The following CABLES1 variants were observed in gnomAD, a reference collection of about 807,000 sequenced individuals.
CABLES1 encodes Cdk5 and Abl enzyme substrate 1, also known as CDK5 and ABL1 enzyme substrate 1.
Under a neutral mutation model 57.8 loss-of-function variants are expected in CABLES1, and 36 were observed. The ratio of observed to expected loss-of-function variants is 0.62; its 90% CI spans 0.48 to 0.82. The LOEUF (loss-of-function observed/expected upper bound fraction) is 0.82. Among genes scored for constraint, CABLES1 ranks in the 40% least tolerant of loss-of-function variants. The pLI, the probability that CABLES1 is intolerant of heterozygous loss-of-function variation, is 0.00. For missense variants in CABLES1, 767 were observed against 836.6 expected (o/e 0.92, Z 1.03); for synonymous variants, 374 against 363.0 (o/e 1.03, Z -0.35).
intron 1 of CABLES1, among the ~76,000 whole-genome samples, chr18:23,141,390 G>C (rs2046856981): frequency 6.6e-6 from 1 of 152,214 alleles, no homozygotes; most frequent in Non-Finnish European, 1.5e-5. Flanking sequence ...GGGTAAGAAA[G>C]GGGAGATGGA....
At chr18:23,195,139 A>G (rs1180850651) in intron 3 of CABLES1, among the ~76,000 whole-genome samples, 1 of 152,224 alleles carries the variant, frequency 6.6e-6, no homozygotes, top group Non-Finnish European at 1.5e-5. Context: ...TATGACCGTG[A>G]TATTAAAACC....
rs191985738 is a variant in CABLES1, at chr18:23,170,494, A to G, written c.846-18344A>G. ...AAGACCACACACCCTAGCCATCTCC[A>G]GCAGCGTGTGCATGGGCGTTGGGTC... On this transcript the variant is annotated intron_variant, in intron 1 of 9. Transcript: ENST00000256925. Among the ~76,000 whole-genome samples the G allele has an allele frequency of 8.5e-5, 13 of 152,268 alleles. No individual in the cohort carries two copies. The East Asian group carries it at 2.3e-3, about 27-fold the overall frequency.
intron 1 of CABLES1, among the ~76,000 whole-genome samples, chr18:23,183,063 C>T (rs2047178529): frequency 6.6e-6 from 1 of 152,240 alleles, no homozygotes; most frequent in African/African-American, 2.4e-5. Flanking sequence ...GTGAGGAGGG[C>T]CTTCGGGATG....
In CABLES1 at chr18:23,235,890, T is replaced by C. The variant is rs376589831; in HGVS notation, c.1186-5T>C. 2.5e-6 allele frequency: 4 copies of C among 1,613,976 alleles called. No individual in the cohort carries two copies. In the African/African-American group the frequency reaches 5.3e-5, roughly 22 times the overall value. On this transcript the variant is annotated splice_polypyrimidine_tract_variant and splice_region_variant and intron_variant, in intron 5 of 9. Coordinates refer to ENST00000256925, the MANE Select transcript of CABLES1 (RefSeq NM_001100619.3). The stretch of plus-strand genomic sequence containing the variant: ...CACTGGCCTGTTTTTGTCTTCACCT[T>C]TTAGACTGTTTCCTATACCCAATTT...
chr18:23,206,262 T>C (rs544754869), intron 3 of CABLES1, among the ~76,000 whole-genome samples: 2 of 152,122 alleles, frequency 1.3e-5, no homozygotes, highest in Non-Finnish European at 2.9e-5. Context: ...AGCTGGGGAC[T>C]CCCAAACCCC....
chr18:23,191,080 C>CAAA lies in CABLES1; in HGVS notation c.917+2190_917+2192dup, dbSNP rs10636287. On this transcript the variant is annotated intron_variant, in intron 2 of 9. Transcript: ENST00000256925. ...GCAATGTAGTGAGACCCCATCTCTA[C>CAAA]AAAAAAAAAAAAAAAAAAAAATTAA... Among the ~76,000 whole-genome samples the CAAA allele has an allele frequency of 8.3e-3, 527 of 63,440 alleles. 7 individuals are homozygous for CAAA. Among genetic ancestry groups the CAAA allele is most frequent in the African/African-American group, 0.023 (452 of 19,310 alleles). The allele number at this position is 63,440 out of a possible 152,430, so 41.6% of individuals were successfully genotyped here. A position where few individuals can be genotyped will look rare whatever the true frequency, so the allele number is the denominator to read the frequency against.
At chr18:23,192,039 A>G (rs1273858653) in intron 2 of CABLES1, among the ~76,000 whole-genome samples, 1 of 151,956 alleles carries the variant, frequency 6.6e-6, no homozygotes, top group Non-Finnish European at 1.5e-5. Context: ...ACATCTTGTT[A>G]AGTTACCCTG....
At chr18:23,237,056 C>G in intron 6 of CABLES1, 86 bp from the exon 7 acceptor site, 1 of 825,240 alleles carries the variant, frequency 1.2e-6, no homozygotes, top group South Asian at 1.4e-5. Flanking sequence ...TTCATTCCAG[C>G]TATACTTGGC....
At chr18:23,185,467 G>GATAGGGCTCACA (rs1249468051) in intron 1 of CABLES1, among the ~76,000 whole-genome samples, 90 of 110,910 alleles carry the variant, frequency 8.1e-4, no homozygotes, top group African/African-American at 4.0e-3. Flanking sequence ...GTGTGTTCCT[G>GATAGGGCTCACA]ACAGGGCTCA....
intron 2 of CABLES1, among the ~76,000 whole-genome samples, chr18:23,191,101 ATT>A (rs1382669890): frequency 3.3e-5 from 5 of 150,658 alleles, no homozygotes; most frequent in African/African-American, 1.2e-4. Flanking sequence ...AAAAAAAAAA[ATT>A]AACCAGGCAC....
chr18:23,188,815 A>C (rs1393244600), intron 1 of CABLES1, 23 bp from the exon 2 acceptor site: 1 of 1,597,258 alleles, frequency 6.3e-7, no homozygotes, highest in Non-Finnish European at 8.6e-7. Flanking sequence ...TTTAACTCCC[A>C]GATTTTTTCC....
At chr18:23,173,294 C>T (rs2047096683) in intron 1 of CABLES1, among the ~76,000 whole-genome samples, 1 of 152,222 alleles carries the variant, frequency 6.6e-6, no homozygotes, top group Non-Finnish European at 1.5e-5. Context: ...CGCACAGACA[C>T]CTGCGGGACC....
intron 1 of CABLES1, among the ~76,000 whole-genome samples, chr18:23,185,516 G>A (rs1031826926): frequency 4.6e-5 from 7 of 152,118 alleles, no homozygotes; most frequent in African/African-American, 1.7e-4. Context: ...GATGCATGGA[G>A]AGGTGAACCT....
intron 1 of CABLES1, among the ~76,000 whole-genome samples, chr18:23,166,390 A>G (rs2047042889): frequency 6.6e-6 from 1 of 151,986 alleles, no homozygotes; most frequent in African/African-American, 2.4e-5. Context: ...TTAGTGTGAG[A>G]CTGGGTTTCA....
intron 3 of CABLES1, among the ~76,000 whole-genome samples, chr18:23,198,315 G>A (rs765831366): frequency 2.0e-5 from 3 of 152,128 alleles, no homozygotes; most frequent in Non-Finnish European, 4.4e-5. Flanking sequence ...AAACTCAGTA[G>A]GTGTTTGTCA....
At chr18:23,215,993 A>G (rs2047439261) in intron 4 of CABLES1, among the ~76,000 whole-genome samples, 1 of 152,102 alleles carries the variant, frequency 6.6e-6, no homozygotes, top group South Asian at 2.1e-4. Context: ...TGACCTCGTG[A>G]TCTGCCCGCC....
rs1250089835 is a variant in CABLES1 at position 23,136,514 on chromosome 18, C to T, written c.752C>T (p.Ala251Val). The change falls in exon 1 of 10, where the codon GCC (alanine) becomes GTC (valine). Residue 251 changes from alanine to valine, a missense_variant. Physicochemically the swap from Ala to Val is moderately conservative, Grantham distance 64. Around this residue, in one of 4 missense-constraint regions of CABLES1, gnomAD observed 529 missense variants for 622.8 expected, o/e 0.85. Transcript: ENST00000256925. ...NSFTQGILPI[A>V]FSRPTSQNYC... ...TTCACTCAGGGAATCCTGCCCATCG[C>T]CTTCTCCAGGCCGACTTCGCAGAAC... 2.5e-6 allele frequency: 4 copies of T among 1,594,396 alleles called. No homozygotes were observed. The highest frequency in any genetic ancestry group is 2.6e-6 in the Non-Finnish European group (3 of 1,176,006).
At chr18:23,167,471 C>T (rs534988333) in intron 1 of CABLES1, among the ~76,000 whole-genome samples, 4 of 152,290 alleles carry the variant, frequency 2.6e-5, no homozygotes, top group African/African-American at 7.2e-5. Flanking sequence ...AGATGTCATC[C>T]ATATGGAAAT....
At chr18:23,250,173 T>C (rs1411607136) in intron 7 of CABLES1, among the ~76,000 whole-genome samples, 2 of 152,214 alleles carry the variant, frequency 1.3e-5, no homozygotes, top group African/African-American at 2.4e-5. Context: ...AAAATCCACA[T>C]GATCGTTAAG....
Sources: gnomAD v4.1 joint callset for allele counts (sites outside exome capture counted in the v4.1 genomes callset) on GRCh38, gnomAD v4.1.1 for gene constraint, gnomAD v4.1.1 regional missense constraint, MANE v1.5 for transcripts, NCBI Gene and HGNC (gene_info 2026-07-23, HGNC 2026-07-21) for gene names.